COG7: variants seen among roughly 807,000 people sequenced by gnomAD.
The protein encoded by COG7 is conserved oligomeric Golgi complex subunit 7.
In COG7, 49 loss-of-function variants were observed where a neutral mutation model predicts 91.5. The observed-to-expected ratio is 0.54, with a 90% confidence interval of 0.43 to 0.68. The LOEUF is 0.68. Among genes scored for constraint, COG7 ranks in the 30% least tolerant of loss-of-function variants. The pLI, the probability that COG7 is intolerant of heterozygous loss-of-function variation, is 0.00. For synonymous variants in COG7, 365 were observed against 388.7 expected, an observed-to-expected ratio of 0.94 and a Z score of 0.72; for missense variants, 895 against 961.3, an observed-to-expected ratio of 0.93 and a Z score of 0.91.
intron 1 of COG7, among the ~76,000 whole-genome samples, chr16:23,447,610 T>C (rs917851500): frequency 3.3e-5 from 5 of 151,230 alleles, no homozygotes; most frequent in African/African-American, 1.2e-4. Context: ...AGAAATAAAA[T>C]AAAATCCCTG....
At chr16:23,405,970 C>T (rs748161609) in intron 12 of COG7, 106 bp downstream of exon 12, 17 of 990,994 alleles carry the variant, frequency 1.7e-5, no homozygotes, top group Non-Finnish European at 2.8e-5. Context: ...GGGTACGTCA[C>T]AGCCCAGGGC....
chr16:23,446,079 G>T, intron 1 of COG7, 118 bp from the exon 2 acceptor site: 2 of 1,245,914 alleles, frequency 1.6e-6, no homozygotes, highest in Non-Finnish European at 2.2e-6. Context: ...GGAAATGCAC[G>T]ACCAACCAAA....
intron 4 of COG7, among the ~76,000 whole-genome samples, chr16:23,438,677 T>C (rs1353561800): frequency 6.6e-6 from 1 of 151,772 alleles, no homozygotes; most frequent in African/African-American, 2.4e-5. Flanking sequence ...ATTAGAGGAA[T>C]GAAAATCAAA....
chr16:23,413,396 T>C (rs1567335137), intron 10 of COG7, 52 bp downstream of exon 10: 2 of 954,326 alleles, frequency 2.1e-6, no homozygotes, highest in East Asian at 2.4e-5. Context: ...ATATCATGCA[T>C]GTTTATGCTG....
intron 9 of COG7, chr16:23,416,461 G>C (rs1963655997): frequency 5.4e-6 from 1 of 186,706 alleles, no homozygotes; most frequent in Non-Finnish European, 1.1e-5. Flanking sequence ...GGGAGCTCTG[G>C]GTCCAAGGAG....
At chr16:23,446,108 G>A in intron 1 of COG7, 147 bp from the exon 2 acceptor site, 2 of 918,976 alleles carry the variant, frequency 2.2e-6, no homozygotes, top group East Asian at 2.6e-5. Flanking sequence ...GGAGCCTGCA[G>A]AAAATATGGG....
At chr16:23,389,940 C>T (rs191824749) in intron 16 of COG7, 31 of 152,276 alleles carry the variant, frequency 2.0e-4, no homozygotes, top group African/African-American at 6.8e-4. Context: ...AGCCCTTCTA[C>T]CTCCCTGAGT....
At chr16:23,442,454 G>T in intron 4 of COG7, 23 bp downstream of exon 4, 1 of 1,611,526 alleles carries the variant, frequency 6.2e-7, no homozygotes, top group Non-Finnish European at 8.5e-7. Flanking sequence ...TATACACAGA[G>T]ATGAGAAGCA....
At chr16:23,446,443 G>GT in intron 1 of COG7, 1 of 153,580 alleles carries the variant, frequency 6.5e-6, no homozygotes, top group Admixed American at 6.3e-5. Context: ...GCTTTCCATG[G>GT]TCTTTTTTTT....
intron 3 of COG7, among the ~76,000 whole-genome samples, chr16:23,444,763 C>A (rs1964155420): frequency 6.6e-6 from 1 of 152,104 alleles, no homozygotes; most frequent in Non-Finnish European, 1.5e-5. Context: ...ACCTCAGCAT[C>A]CCAAAGAGCT....
At chr16:23,428,795 G>A (rs938877513) in intron 6 of COG7, among the ~76,000 whole-genome samples, 8 of 151,106 alleles carry the variant, frequency 5.3e-5, no homozygotes, top group African/African-American at 9.7e-5. Context: ...AGGTTCAAGC[G>A]ATTCTCCTGC....
At chr16:23,413,290 G>A (rs1308764258) in intron 10 of COG7, 158 bp downstream of exon 10, 2 of 659,280 alleles carry the variant, frequency 3.0e-6, no homozygotes, top group Non-Finnish European at 5.6e-6. Context: ...GGGTTTTATT[G>A]GTTTGTGTTT....
At chr16:23,433,772 G>T in intron 5 of COG7, 105 bp from the exon 6 acceptor site, 1 of 1,344,398 alleles carries the variant, frequency 7.4e-7, no homozygotes, top group Non-Finnish European at 1.0e-6. Context: ...TGCTCAATGG[G>T]CTCACTGGGC....
intron 13 of COG7, 48 bp downstream of exon 13, chr16:23,403,646 T>C (rs1963413225): frequency 6.2e-7 from 1 of 1,611,478 alleles, no homozygotes; most frequent in Admixed American, 1.7e-5. Context: ...TATGCTTGAG[T>C]TGGAGGCAGG....
In COG7 at chr16:23,403,712, C is replaced by A; in HGVS notation, c.1785G>T (p.Leu595Phe). Residue 595 changes from leucine (L) to phenylalanine (F), a missense_variant, in exon 13 of 17, where the codon TTG becomes TTT. Coordinates refer to ENST00000307149, the MANE Select transcript of COG7 (RefSeq NM_153603.4). ...SVFLRIKQQLLLISKMDSWNT... is the reference protein window; with the variant it reads ...SVFLRIKQQLFLISKMDSWNT... Reference sequence around the variant, plus strand: ...AACTCACGTCCATCTTCGAAATAAGCAACAGCTGTTGTTTGATGCGCAGGA... The same window carrying A: ...AACTCACGTCCATCTTCGAAATAAGAAACAGCTGTTGTTTGATGCGCAGGA... 1.9e-6 allele frequency: 3 copies of A among 1,614,092 alleles called. No individual in the cohort carries two copies. Among genetic ancestry groups the A allele is most frequent in the Non-Finnish European group, 2.5e-6 (3 of 1,179,990 alleles).
At chr16:23,418,204 A>T (rs1273236576) in intron 8 of COG7, among the ~76,000 whole-genome samples, 1 of 152,146 alleles carries the variant, frequency 6.6e-6, no homozygotes, top group Non-Finnish European at 1.5e-5. Context: ...TTCATTGGGG[A>T]TTTTAAATAG....
chr16:23,405,358 T>C (rs1405630204), intron 12 of COG7, among the ~76,000 whole-genome samples: 1 of 152,112 alleles, frequency 6.6e-6, no homozygotes, highest in Admixed American at 6.5e-5. Context: ...AGGTTCTGCC[T>C]GCCTGCAAGC....
At chr16:23,408,714 T>G (rs1349635870) in intron 11 of COG7, among the ~76,000 whole-genome samples, 1 of 151,982 alleles carries the variant, frequency 6.6e-6, no homozygotes. Flanking sequence ...AAAACCAAAG[T>G]GCCACAGGCA....
At chr16:23,429,282 G>A (rs1254640580) in intron 6 of COG7, among the ~76,000 whole-genome samples, 1 of 151,930 alleles carries the variant, frequency 6.6e-6, no homozygotes, top group Non-Finnish European at 1.5e-5. Flanking sequence ...GAGCCACCAC[G>A]CCTGGCTCGG....
Sources: gnomAD v4.1 joint callset for allele counts (sites outside exome capture counted in the v4.1 genomes callset) on GRCh38, gnomAD v4.1.1 for gene constraint, MANE v1.5 for transcripts, NCBI Gene and HGNC (gene_info 2026-07-23, HGNC 2026-07-21) for gene names.